Variants in SZT2 observed in about 807,000 individuals in gnomAD.
The protein encoded by SZT2 is KICSTOR complex protein SZT2.
A neutral mutation model predicts 404.2 loss-of-function variants in SZT2; 216 were observed. The observed-to-expected ratio is 0.53, with a 90% CI of 0.48 to 0.60. The LOEUF (loss-of-function observed/expected upper bound fraction) is 0.60, where lower values mean the gene tolerates loss of function less well. Among genes scored for constraint, SZT2 ranks in the 20% least tolerant of loss-of-function variants. SZT2 has a pLI of 0.00. For missense variants in SZT2, 3,857 were observed against 4,459.2 expected (o/e 0.86, Z 3.85); for synonymous variants, 1,693 against 1,749.9 (o/e 0.97, Z 0.81).
At chr1:43,440,613 A>G (rs1229944310) in intron 52 of SZT2, 27 bp downstream of exon 52, 3 of 1,544,356 alleles carry the variant, frequency 1.9e-6, no homozygotes, top group African/African-American at 1.4e-5. Context: ...TGAAGTGGGC[A>G]TCTACCTTTC....
chr1:43,439,303 C>T lies in SZT2; in HGVS notation c.6793-55C>T, dbSNP rs532925144. ...ATTCCCCACTGTGGGCACCCATCCC[C>T]GAGGGTTTTGTCCATTTGCTTGCTC... On this transcript the variant is annotated intron_variant, in intron 48 of 71. Transcript: ENST00000634258. This position sits in a 1 kb window ranked among gnomAD's most constrained non-coding sequence, Gnocchi z 4.2. 63 of 1,598,104 alleles carry T rather than the reference C, an allele frequency of 3.9e-5. No individual in the cohort carries two copies. The highest frequency in any genetic ancestry group is 1.3e-4 in the South Asian group (12 of 90,496).
chr1:43,398,077 C>T (rs1649216124), intron 1 of SZT2, among the ~76,000 whole-genome samples: 1 of 152,208 alleles, frequency 6.6e-6, no homozygotes, highest in Admixed American at 6.5e-5. Context: ...TGGGCCAAAA[C>T]GCTTTTCCTT....
chr1:43,390,013 G>A lies in SZT2; in HGVS notation c.27+18G>A, dbSNP rs548992913. The A allele has an allele frequency of 9.4e-6, 13 of 1,381,170 alleles. No individual in the cohort carries two copies. The African/African-American group carries it at 1.8e-4, about 19-fold the overall frequency. 85.6% of individuals were successfully genotyped at this position (1,381,170 alleles called of 1,614,324 possible). A position where few individuals can be genotyped will look rare whatever the true frequency, so the allele number is the denominator to read the frequency against. Reference sequence around the variant, plus strand: ...AGCCGGAGGTGAGGGGCGGGCGGGCGCAGCACTGGGCCCCGAGATCCGAGG... The same window carrying A: ...AGCCGGAGGTGAGGGGCGGGCGGGCACAGCACTGGGCCCCGAGATCCGAGG... On this transcript the variant is annotated intron_variant, in intron 1 of 71. Coordinates refer to ENST00000634258, the MANE Select transcript of SZT2 (RefSeq NM_001365999.1).
In SZT2 at chr1:43,437,101, C is replaced by G. The variant is rs180826135; in HGVS notation, c.6035-70C>G. On this transcript the variant is annotated intron_variant, in intron 42 of 71. Coordinates refer to ENST00000634258, the MANE Select transcript of SZT2 (RefSeq NM_001365999.1). This position sits in a 1 kb window ranked among gnomAD's most constrained non-coding sequence, Gnocchi z 5.3. ...GGAGTGAGGACAAGTAGGCCAGTTC[C>G]CAGGTGAGAAGTCTGTGGAGGGCAG... 1 of 1,582,016 alleles carries G rather than the reference C, an allele frequency of 6.3e-7. No homozygotes were observed. Among genetic ancestry groups the G allele is most frequent in the East Asian group, 2.2e-5 (1 of 44,638 alleles).
chr1:43,439,280 T>C lies in SZT2; in HGVS notation c.6793-78T>C, dbSNP rs1654805398. On this transcript the variant is annotated intron_variant, in intron 48 of 71. Transcript: ENST00000634258. This position sits in a 1 kb window ranked among gnomAD's most constrained non-coding sequence, Gnocchi z 4.2. ...GCTCCCATATCTACCTGCACCACAT[T>C]CCCCACTGTGGGCACCCATCCCCGA... The C allele has an allele frequency of 3.9e-6, 6 of 1,556,832 alleles. No homozygotes were observed. Among genetic ancestry groups the C allele is most frequent in the Non-Finnish European group, 5.3e-6 (6 of 1,129,670 alleles).
At position 43,427,076 on chromosome 1, in the gene SZT2, T is replaced by G; in HGVS notation, c.3330T>G (p.Thr1110=). The change falls in exon 24 of 72, where the codon ACT becomes ACG. Residue 1110 remains threonine (T), a synonymous_variant. Coordinates refer to ENST00000634258, the MANE Select transcript of SZT2 (RefSeq NM_001365999.1). ...FTSLSVGLPE[T]LKPLISAQPP... ...TACAGAGTGTAGGTCTTCCTGAAAC[T>G]CTCAAGCCTCTCATCTCTGCCCAGC... is the stretch of plus-strand genomic sequence containing the variant. 6.2e-7 allele frequency: 1 copy of G among 1,613,958 alleles called. No homozygotes were observed. The highest frequency in any genetic ancestry group is 8.5e-7 in the Non-Finnish European group (1 of 1,179,972).
chr1:43,411,487 G>C (rs1367219592), intron 4 of SZT2, among the ~76,000 whole-genome samples: 1 of 152,186 alleles, frequency 6.6e-6, no homozygotes, highest in Non-Finnish European at 1.5e-5. Context: ...CAGCAGACTG[G>C]AAACTGCCTC....
Position 43,427,201 on chromosome 1 carries a change from A to T in SZT2, c.3433+22A>T, listed in dbSNP as rs192133591. On this transcript the variant is annotated intron_variant, in intron 24 of 71. Transcript: ENST00000634258. ...TCAGGTGCCAGCTGCTGACCTCCTC[A>T]CGAACCCCCTCAGATACAAACCCCT... 617 of 1,612,932 alleles carry T rather than the reference A, an allele frequency of 3.8e-4. 5 individuals carry two copies. The African/African-American group carries it at 7.3e-3, about 19-fold the overall frequency.
chr1:43,428,630 C>T, intron 28 of SZT2, 144 bp downstream of exon 28: 1 of 1,167,514 alleles, frequency 8.6e-7, no homozygotes, highest in South Asian at 1.6e-5. Flanking sequence ...GGCTCACGGA[C>T]TCCCATGCAG....
In SZT2 at chr1:43,439,933, T is replaced by C. The variant is rs775345827; in HGVS notation, c.7095T>C (p.Ile2365=). The change falls in exon 51 of 72, where the codon ATT becomes ATC. Residue 2365 remains isoleucine (I), a synonymous_variant. Transcript: ENST00000634258. This position sits in a 1 kb window ranked among gnomAD's most constrained non-coding sequence, Gnocchi z 4.2. ...TGGATGTGTGGGAAAAGGGGAACAT[T>C]AGTATTGTGCAGCTGGAGGAGAAAC... is the stretch of plus-strand genomic sequence containing the variant. ...LRLDVWEKGN[I]SIVQLEEKLR... 5 of 1,613,290 alleles carry C rather than the reference T, an allele frequency of 3.1e-6. No individual in the cohort carries two copies. The highest frequency in any genetic ancestry group is 4.2e-6 in the Non-Finnish European group (5 of 1,179,636).
Position 43,426,469 on chromosome 1 carries a change from A to T in SZT2, c.3145A>T (p.Ile1049Phe). ...CLGQELSDRE[I>F]PLTPVDQAAF... ...GGGGCAGGAGCTGAGTGACCGGGAG[A>T]TCCCACTGACCCCCGTTGACCAGGC... Residue 1049 changes from isoleucine to phenylalanine, a missense_variant, in exon 22 of 72, where the codon ATC (isoleucine) becomes TTC (phenylalanine). Transcript: ENST00000634258. This position sits in a 1 kb window ranked among gnomAD's most constrained non-coding sequence, Gnocchi z 4.9. 1 of 1,597,008 alleles carries T rather than the reference A, an allele frequency of 6.3e-7. No individual in the cohort carries two copies. Among genetic ancestry groups the T allele is most frequent in the Non-Finnish European group, 8.5e-7 (1 of 1,179,340 alleles).
intron 1 of SZT2, chr1:43,394,013 A>G (rs376735570): frequency 1.9e-5 from 17 of 915,362 alleles, no homozygotes; most frequent in African/African-American, 1.6e-4. Flanking sequence ...CCTGACCCCG[A>G]AACTCTACTT....
In SZT2 at chr1:43,425,641, CTG is replaced by C; in HGVS notation, c.2814+2_2814+3del. The C allele has an allele frequency of 6.2e-7, 1 of 1,613,798 alleles. No homozygotes were observed. The highest frequency in any genetic ancestry group is 8.5e-7 in the Non-Finnish European group (1 of 1,180,000). Reference sequence around the variant, plus strand: ...CTGACGTATTCTGAGATCCCGCAAGCTGTGAGTGTCCTCAGAACAGTACCCGC... The same window carrying C: ...CTGACGTATTCTGAGATCCCGCAAGCTGAGTGTCCTCAGAACAGTACCCGC... On this transcript the variant is annotated splice_donor_variant and coding_sequence_variant, in exon 19 of 72. Coordinates refer to ENST00000634258, the MANE Select transcript of SZT2 (RefSeq NM_001365999.1). LOFTEE classifies it high-confidence loss of function. This position sits in a 1 kb window ranked among gnomAD's most constrained non-coding sequence, Gnocchi z 4.3.
intron 1 of SZT2, among the ~76,000 whole-genome samples, chr1:43,399,502 G>A (rs1383437008): frequency 2.9e-5 from 4 of 140,260 alleles, no homozygotes; most frequent in Admixed American, 7.5e-5. Context: ...ACGGAGTCTC[G>A]CTAGGCTGGA....
At chr1:43,393,955 CA>C in intron 1 of SZT2, 1 of 340,552 alleles carries the variant, frequency 2.9e-6, no homozygotes, top group Non-Finnish European at 4.2e-6. Context: ...GTAACTTGTC[CA>C]AGGTCACCTA....
chr1:43,427,999 C>A lies in SZT2; in HGVS notation c.3804-4C>A. On this transcript the variant is annotated splice_polypyrimidine_tract_variant and splice_region_variant and intron_variant, in intron 26 of 71. Coordinates refer to ENST00000634258, the MANE Select transcript of SZT2 (RefSeq NM_001365999.1). The stretch of plus-strand genomic sequence containing the variant: ...TCAAGTTCCATTTTCCCTTCGTTTC[C>A]TAGGACTCAGTTCCTCGACCACCCC... The A allele has an allele frequency of 6.2e-7, 1 of 1,613,034 alleles. No homozygotes were observed. Among genetic ancestry groups the A allele is most frequent in the Non-Finnish European group, 8.5e-7 (1 of 1,179,190 alleles).
rs1557593935 is a variant in SZT2, at chr1:43,442,623, CT to C, written c.8151+6del. 23 of 1,595,072 alleles carry C rather than the reference CT, an allele frequency of 1.4e-5. No individual in the cohort carries two copies. Among genetic ancestry groups the C allele is most frequent in the Non-Finnish European group, 2.0e-5 (23 of 1,169,246 alleles). ...TTCCCCGTGCGAGATGAAAAGGTGC[CT>C]GCTGCTCTGGTTCTTCCTATAGTTT... On this transcript the variant is annotated splice_donor_region_variant and intron_variant, in intron 58 of 71. Transcript: ENST00000634258. The surrounding 1 kb of genome is among the most constrained non-coding windows in gnomAD (Gnocchi z 4.5).
rs1652903411 is a variant in SZT2 at position 43,424,501 on chromosome 1, A to G, written c.2471+69A>G. On this transcript the variant is annotated intron_variant, in intron 16 of 71. Transcript: ENST00000634258. This position sits in a 1 kb window ranked among gnomAD's most constrained non-coding sequence, Gnocchi z 4.1. ...GCAAGTGTAGACTGGGACACTAGCA[A>G]AAAGCCTATAGCACACACTTCTCCT... 1 of 1,477,590 alleles carries G rather than the reference A, an allele frequency of 6.8e-7. No homozygotes were observed. The highest frequency in any genetic ancestry group is 9.3e-7 in the Non-Finnish European group (1 of 1,078,368). 91.5% of individuals were successfully genotyped at this position (1,477,590 alleles called of 1,614,324 possible).
Position 43,435,215 on chromosome 1 carries a change from G to A in SZT2, c.5920G>A (p.Asp1974Asn). Reference sequence around the variant, plus strand: ...CTTCTCCCAGCGACTGCTTCTTCAAGACCTTCATGACAGCCACGTGTGTAA... The same window carrying A: ...CTTCTCCCAGCGACTGCTTCTTCAAAACCTTCATGACAGCCACGTGTGTAA... ...REVNQRLLLQ[D>N]LHDSHVCNSL... Residue 1974 changes from aspartate to asparagine, a missense_variant, in exon 42 of 72, where the codon GAC becomes AAC. Coordinates refer to ENST00000634258, the MANE Select transcript of SZT2 (RefSeq NM_001365999.1). 1.9e-6 allele frequency: 3 copies of A among 1,614,162 alleles called. No homozygotes were observed. The highest frequency in any genetic ancestry group is 2.5e-6 in the Non-Finnish European group (3 of 1,180,026).
Sources: allele counts gnomAD v4.1 joint callset (sites outside exome capture counted in the v4.1 genomes callset), GRCh38; gene constraint gnomAD v4.1.1; non-coding constraint Gnocchi (gnomAD v3.1); transcripts MANE v1.5; gene names NCBI Gene and HGNC (gene_info 2026-07-23, HGNC 2026-07-21).